KCNH5: variants seen among roughly 807,000 people sequenced by gnomAD.
The protein encoded by KCNH5 is potassium voltage-gated channel subfamily H member 5.
A neutral mutation model predicts 96.1 loss-of-function variants in KCNH5; 46 were observed. The ratio of observed to expected loss-of-function variants is 0.48; its 90% CI spans 0.38 to 0.61. The LOEUF is 0.61. Ranked by LOEUF, KCNH5 falls within the 20% of genes least tolerant of loss-of-function variation. The pLI is 0.00. For missense variants in KCNH5, 907 were observed against 1,225.8 expected (o/e 0.74, Z 3.88); for synonymous variants, 439 against 449.8 (o/e 0.98, Z 0.30).
chr14:63,020,329 T>C (rs764648480), intron 1 of KCNH5, among the ~76,000 whole-genome samples: 1 of 152,082 alleles, frequency 6.6e-6, no homozygotes, highest in Admixed American at 6.6e-5. Context: ...AATGAAAACA[T>C]ATGTTTACAA....
In KCNH5 at chr14:62,701,663, CT is replaced by C. The variant is rs1358634017; in HGVS notation, c.*5844del. On this transcript the variant is annotated 3_prime_UTR_variant, in exon 11 of 11. Coordinates refer to ENST00000322893, the MANE Select transcript of KCNH5 (RefSeq NM_139318.5). ...CCAAGTGAAAACAAGATGGTTTGGG[CT>C]GAAGATTCCAGCATGTAGTGTTGTA... The C allele has an allele frequency of 2.0e-5, 3 of 152,094 alleles. No homozygotes were observed. Among genetic ancestry groups the C allele is most frequent in the Non-Finnish European group, 4.4e-5 (3 of 67,974 alleles). The allele number at this position is 152,094 out of a possible 1,614,324, so 9.4% of individuals were successfully genotyped here.
Position 63,032,483 on chromosome 14 carries a change from C to A in KCNH5, c.73+12631G>T, listed in dbSNP as rs75238674. On this transcript the variant is annotated intron_variant, in intron 1 of 10. Transcript: ENST00000322893. ...GATGCCTATGAAGGAAAATCTGAAG[C>A]AAAAGTGACCCATTAAAACCATGTA... Among the ~76,000 whole-genome samples the A allele has an allele frequency of 5.6e-3, 849 of 152,238 alleles. 15 individuals are homozygous for A. The highest frequency in any genetic ancestry group is 0.042 in the East Asian group (219 of 5,186).
chr14:62,973,511 G>A (rs1028662717), intron 6 of KCNH5, among the ~76,000 whole-genome samples: 13 of 152,102 alleles, frequency 8.5e-5, no homozygotes, highest in Non-Finnish European at 1.9e-4. Flanking sequence ...GCTACATGAA[G>A]ACACATTTGT....
At chr14:62,940,204 C>T (rs1212948880) in intron 7 of KCNH5, among the ~76,000 whole-genome samples, 1 of 152,070 alleles carries the variant, frequency 6.6e-6, no homozygotes, top group Non-Finnish European at 1.5e-5. Context: ...GGAACATAGC[C>T]ACACTCATCT....
chr14:62,884,854 T>A (rs543182431), intron 7 of KCNH5, among the ~76,000 whole-genome samples: 1 of 152,336 alleles, frequency 6.6e-6, no homozygotes, highest in Admixed American at 6.5e-5. Flanking sequence ...TCATTTGAAT[T>A]CTGTAACATA....
intron 10 of KCNH5, among the ~76,000 whole-genome samples, chr14:62,756,282 A>C (rs1885622049): frequency 6.6e-6 from 1 of 152,136 alleles, no homozygotes; most frequent in African/African-American, 2.4e-5. Flanking sequence ...ATAATACATC[A>C]GTGAAAGAAA....
At chr14:62,727,525 C>T (rs1017527000) in intron 10 of KCNH5, among the ~76,000 whole-genome samples, 2 of 152,082 alleles carry the variant, frequency 1.3e-5, no homozygotes, top group Admixed American at 1.3e-4. Context: ...TCAAATAGTA[C>T]ACTTATGATT....
intron 10 of KCNH5, among the ~76,000 whole-genome samples, chr14:62,711,581 G>C (rs1026369261): frequency 1.2e-4 from 19 of 152,274 alleles, no homozygotes; most frequent in Admixed American, 1.2e-3. Context: ...GACTGGTCCT[G>C]AATTGTCATC....
intron 10 of KCNH5, among the ~76,000 whole-genome samples, chr14:62,758,494 C>A (rs1885674547): frequency 6.6e-6 from 1 of 152,174 alleles, no homozygotes; most frequent in South Asian, 2.1e-4. Flanking sequence ...CCTCTTTTCC[C>A]TCTTTTCTGC....
chr14:62,745,478 C>T (rs972301703), intron 10 of KCNH5, among the ~76,000 whole-genome samples: 1 of 152,222 alleles, frequency 6.6e-6, no homozygotes, highest in Admixed American at 6.5e-5. Flanking sequence ...TTTATCAACT[C>T]TGTCAACAAG....
intron 7 of KCNH5, among the ~76,000 whole-genome samples, chr14:62,944,341 C>T (rs1889845231): frequency 6.6e-6 from 1 of 152,064 alleles, no homozygotes; most frequent in East Asian, 1.9e-4. Context: ...TCTCCATCAA[C>T]CTTTTGATAA....
chr14:62,947,131 G>A (rs1889904776), intron 7 of KCNH5, among the ~76,000 whole-genome samples: 1 of 151,998 alleles, frequency 6.6e-6, no homozygotes, highest in South Asian at 2.1e-4. Context: ...AGGTAACAAA[G>A]GCCCTCTCCA....
chr14:62,975,231 C>T (rs1017053522), intron 6 of KCNH5, among the ~76,000 whole-genome samples: 4 of 151,960 alleles, frequency 2.6e-5, no homozygotes, highest in African/African-American at 7.3e-5. Context: ...TATATTAAGG[C>T]GCATACATAT....
At chr14:62,891,650 C>G (rs1350589589) in intron 7 of KCNH5, among the ~76,000 whole-genome samples, 1 of 152,096 alleles carries the variant, frequency 6.6e-6, no homozygotes, top group Admixed American at 6.5e-5. Flanking sequence ...CAAATACTGT[C>G]GTTTTGCAAA....
At chr14:62,993,097 T>C (rs1297578584) in intron 4 of KCNH5, among the ~76,000 whole-genome samples, 3 of 152,054 alleles carry the variant, frequency 2.0e-5, no homozygotes. Flanking sequence ...ATGTTCTTAT[T>C]GGCTTTGTCA....
At chr14:62,712,636 A>G in intron 10 of KCNH5, 1 of 770,288 alleles carries the variant, frequency 1.3e-6, no homozygotes, top group Non-Finnish European at 2.4e-6. Flanking sequence ...GGATAGATGA[A>G]TGGGTGAAGT....
chr14:62,785,495 C>T (rs937062692), intron 9 of KCNH5, among the ~76,000 whole-genome samples: 1 of 152,170 alleles, frequency 6.6e-6, no homozygotes, highest in East Asian at 1.9e-4. Flanking sequence ...CCGCTGGGTA[C>T]AAGTAGTCTC....
intron 8 of KCNH5, among the ~76,000 whole-genome samples, chr14:62,813,222 A>C (rs184499749): frequency 5.3e-4 from 80 of 152,244 alleles, no homozygotes; most frequent in Middle Eastern, 6.8e-3. Flanking sequence ...TTAATCTTCC[A>C]AATGCATTTG....
At chr14:62,793,047 G>A (rs1380460375) in intron 9 of KCNH5, among the ~76,000 whole-genome samples, 2 of 151,752 alleles carry the variant, frequency 1.3e-5, no homozygotes, top group East Asian at 3.9e-4. Flanking sequence ...GTCAGTTGCA[G>A]AAGTACAAAT....
Sources: gnomAD v4.1 joint callset for allele counts (sites outside exome capture counted in the v4.1 genomes callset) on GRCh38, gnomAD v4.1.1 for gene constraint, MANE v1.5 for transcripts, NCBI Gene and HGNC (gene_info 2026-07-23, HGNC 2026-07-21) for gene names.